PAX5: variants seen among roughly 807,000 people sequenced by gnomAD.
PAX5 encodes paired box 5.
A neutral mutation model predicts 43.7 loss-of-function variants in PAX5; 9 were observed. The ratio of observed to expected loss-of-function variants is 0.21; its 90% CI spans 0.12 to 0.36. The LOEUF is 0.36. Among genes scored for constraint, PAX5 ranks in the 10% least tolerant of loss-of-function variants. The pLI, the probability that PAX5 is intolerant of heterozygous loss-of-function variation, is 1.00. For synonymous variants in PAX5, 228 were observed against 214.3 expected (o/e 1.06, Z -0.56); for missense variants, 383 against 532.7 (o/e 0.72, Z 2.77).
In PAX5 at chr9:36,840,089, T is replaced by C. The variant is rs1270722339; in HGVS notation, c.*471A>G. On this transcript the variant is annotated 3_prime_UTR_variant, in exon 10 of 10. Transcript: ENST00000358127. Reference sequence around the variant, plus strand: ...GCCATAGGTCTAAGATGTCCGGTGATGCACCAAGAGTGCGAGATGCATCAT... The same window carrying C: ...GCCATAGGTCTAAGATGTCCGGTGACGCACCAAGAGTGCGAGATGCATCAT... The C allele has an allele frequency of 3.1e-6, 1 of 318,354 alleles. No individual in the cohort carries two copies. The highest frequency in any genetic ancestry group is 2.1e-5 in the African/African-American group (1 of 47,026). 19.7% of individuals were successfully genotyped at this position (318,354 alleles called of 1,614,324 possible).
At chr9:36,965,427 C>A (rs1834338662) in intron 6 of PAX5, among the ~76,000 whole-genome samples, 1 of 152,198 alleles carries the variant, frequency 6.6e-6, no homozygotes, top group Non-Finnish European at 1.5e-5. Flanking sequence ...CTTGGTTTTA[C>A]CATCTGAAAA....
chr9:36,953,195 C>A (rs1250728881), intron 6 of PAX5, among the ~76,000 whole-genome samples: 1 of 152,160 alleles, frequency 6.6e-6, no homozygotes, highest in Non-Finnish European at 1.5e-5. Context: ...TGGTTTCTGA[C>A]AAGAAATCCA....
chr9:37,001,845 C>G (rs1837891014), intron 5 of PAX5, among the ~76,000 whole-genome samples: 1 of 106,910 alleles, frequency 9.4e-6, no homozygotes, highest in African/African-American at 3.8e-5. Context: ...CTTTTCCTGA[C>G]TAAGGTTTTA....
At chr9:37,003,499 A>G (rs1407913348) in intron 4 of PAX5, among the ~76,000 whole-genome samples, 1 of 152,244 alleles carries the variant, frequency 6.6e-6, no homozygotes, top group Non-Finnish European at 1.5e-5. Flanking sequence ...TTGGAAAGGT[A>G]AAACTCAGAG....
At chr9:36,878,467 A>T (rs529433384) in intron 8 of PAX5, among the ~76,000 whole-genome samples, 2 of 152,342 alleles carry the variant, frequency 1.3e-5, no homozygotes, top group South Asian at 4.1e-4. Context: ...TTTTCTGAGC[A>T]GGTGAGGTTT....
intron 5 of PAX5, among the ~76,000 whole-genome samples, chr9:36,989,928 C>T (rs1836783344): frequency 6.6e-6 from 1 of 152,168 alleles, no homozygotes; most frequent in Admixed American, 6.5e-5. Context: ...TCATGGAGCT[C>T]ACAGTCTTGC....
In PAX5 at chr9:36,963,704, A is replaced by G. The variant is rs140240624; in HGVS notation, c.780+2845T>C. ...GGTCTTCCTGGGCACTCTGAGCTAA[A>G]GGAGTTATGGTGCAGATTCTGAGTC... On this transcript the variant is annotated intron_variant, in intron 6 of 9. Coordinates refer to ENST00000358127, the MANE Select transcript of PAX5 (RefSeq NM_016734.3). Among the ~76,000 whole-genome samples, 367 of 152,286 alleles carry G rather than the reference A, an allele frequency of 2.4e-3. 2 individuals are homozygous for G. The highest frequency in any genetic ancestry group is 7.2e-3 in the African/African-American group (300 of 41,556).
At chr9:36,968,584 G>A (rs1421417491) in intron 5 of PAX5, among the ~76,000 whole-genome samples, 1 of 146,324 alleles carries the variant, frequency 6.8e-6, no homozygotes, top group Non-Finnish European at 1.5e-5. Flanking sequence ...CTGTAGGCTG[G>A]GCCACAGCCT....
chr9:36,849,172 G>A (rs1822902583), intron 8 of PAX5, among the ~76,000 whole-genome samples: 2 of 152,226 alleles, frequency 1.3e-5, no homozygotes, highest in Admixed American at 6.5e-5. Flanking sequence ...CTCTGCACCT[G>A]TGTGCCACCC....
chr9:37,002,538 C>T lies in PAX5; in HGVS notation c.604+110G>A. Reference sequence around the variant, plus strand: ...CGTGCGGGCCGGGGGACTCGCTCCTCTGCAGGTAAGGGGGGTGTTCGCGGG... The same window carrying T: ...CGTGCGGGCCGGGGGACTCGCTCCTTTGCAGGTAAGGGGGGTGTTCGCGGG... On this transcript the variant is annotated intron_variant, in intron 5 of 9. Transcript: ENST00000358127. The T allele has an allele frequency of 2.5e-6, 3 of 1,207,406 alleles. No individual in the cohort carries two copies. In the South Asian group the frequency reaches 4.4e-5, roughly 18 times the overall value. 74.8% of individuals were successfully genotyped at this position (1,207,406 alleles called of 1,614,324 possible).
Position 36,838,174 on chromosome 9 carries a change from C to T in PAX5, c.*2386G>A, listed in dbSNP as rs576361418. ...GCCCCAACTACCTCCCTTCTTTGCCCCGCAGGTTCTGGGTGGGGGCGGGGG... is the reference window on the plus strand; with the variant it reads ...GCCCCAACTACCTCCCTTCTTTGCCTCGCAGGTTCTGGGTGGGGGCGGGGG... On this transcript the variant is annotated 3_prime_UTR_variant, in exon 10 of 10. Transcript: ENST00000358127. 2.3e-3 allele frequency: 540 copies of T among 233,384 alleles called. 3 individuals carry two copies. The highest frequency in any genetic ancestry group is 0.011 in the African/African-American group (495 of 45,452). 14.5% of individuals were successfully genotyped at this position (233,384 alleles called of 1,614,324 possible).
intron 5 of PAX5, among the ~76,000 whole-genome samples, chr9:36,969,227 C>A (rs564958066): frequency 6.6e-6 from 1 of 152,336 alleles, no homozygotes; most frequent in African/African-American, 2.4e-5. Context: ...TGGCTCTGTC[C>A]CCAGCAGGGC....
chr9:36,863,337 C>T (rs1445352684), intron 8 of PAX5, among the ~76,000 whole-genome samples: 24 of 152,214 alleles, frequency 1.6e-4, no homozygotes, highest in Admixed American at 1.5e-3. Flanking sequence ...CAGCATAGCT[C>T]ACTGCAGCCT....
At chr9:36,959,783 C>T (rs1223147028) in intron 6 of PAX5, among the ~76,000 whole-genome samples, 1 of 152,230 alleles carries the variant, frequency 6.6e-6, no homozygotes, top group African/African-American at 2.4e-5. Context: ...TGTGCTGCAA[C>T]TGGGGGGTAC....
chr9:36,972,632 G>C (rs1436868056), intron 5 of PAX5, among the ~76,000 whole-genome samples: 1 of 152,338 alleles, frequency 6.6e-6, no homozygotes, highest in Non-Finnish European at 1.5e-5. Context: ...CCTGTGATGA[G>C]AGGCCTGTTG....
Position 37,020,712 on chromosome 9 carries a change from G to C in PAX5, c.136C>G (p.His46Asp). 1 of 1,614,174 alleles carries C rather than the reference G, an allele frequency of 6.2e-7. No homozygotes were observed. Among genetic ancestry groups the C allele is most frequent in the Non-Finnish European group, 8.5e-7 (1 of 1,180,038 alleles). Reference sequence around the variant, plus strand: ...ATGTCGCAGGGCCTGACACCTTGATGAGCAAGTTCCACTATCCTCTGGCGG... The same window carrying C: ...ATGTCGCAGGGCCTGACACCTTGATCAGCAAGTTCCACTATCCTCTGGCGG... ...VVRQRIVELA[H>D]QGVRPCDISR... is the part of the protein sequence containing the mutation. Residue 46 changes from histidine to aspartate, a missense_variant, in exon 2 of 10, where the codon CAT (histidine) becomes GAT (aspartate). Physicochemically the swap from His to Asp is moderately conservative, Grantham distance 81. Transcript: ENST00000358127.
At chr9:37,010,079 C>G (rs1189153048) in intron 3 of PAX5, among the ~76,000 whole-genome samples, 1 of 152,148 alleles carries the variant, frequency 6.6e-6, no homozygotes, top group African/African-American at 2.4e-5. Context: ...GTGGGAAGAA[C>G]AAGACTGTAA....
rs139568906 is a variant in PAX5 at position 37,032,273 on chromosome 9, A to C, written c.46+1713T>G. Among the ~76,000 whole-genome samples, 537 of 152,230 alleles carry C rather than the reference A, an allele frequency of 3.5e-3. 1 individual carries two copies. The highest frequency in any genetic ancestry group is 6.0e-3 in the Non-Finnish European group (409 of 68,018). Reference sequence around the variant, plus strand: ...GAGCCCATCGACCGCCATGAATTACATTCTTCTACACAGCTTGTCGGGAGA... The same window carrying C: ...GAGCCCATCGACCGCCATGAATTACCTTCTTCTACACAGCTTGTCGGGAGA... On this transcript the variant is annotated intron_variant, in intron 1 of 9. Transcript: ENST00000358127.
intron 7 of PAX5, among the ~76,000 whole-genome samples, chr9:36,897,776 G>C (rs759395567): frequency 1.2e-4 from 19 of 152,330 alleles, no homozygotes; most frequent in Admixed American, 5.2e-4. Context: ...TCTTCCAGTA[G>C]TCCAGGGCGC....
Sources: allele counts gnomAD v4.1 joint callset (sites outside exome capture counted in the v4.1 genomes callset), GRCh38; gene constraint gnomAD v4.1.1; transcripts MANE v1.5; gene names NCBI Gene and HGNC (gene_info 2026-07-23, HGNC 2026-07-21).